Variants in RALGAPA2 observed in about 807,000 individuals in gnomAD.
The protein encoded by RALGAPA2 is Ral GTPase activating protein catalytic subunit alpha 2.
In RALGAPA2, 139 loss-of-function variants were observed where a neutral mutation model predicts 230.4. The observed-to-expected ratio is 0.60, with a 90% CI of 0.53 to 0.69. RALGAPA2 has a LOEUF of 0.69. Ranked by LOEUF, RALGAPA2 falls within the 30% of genes least tolerant of loss-of-function variation. The probability of loss-of-function intolerance (pLI) is 0.00; values close to 1 mark genes in which losing one functional copy is unlikely to be tolerated. For missense variants in RALGAPA2, 2,163 were observed against 2,276.0 expected, an observed-to-expected ratio of 0.95 and a Z score of 1.01; for synonymous variants, 847 against 837.8, an observed-to-expected ratio of 1.01 and a Z score of -0.19.
chr20:20,543,595 C>G (rs955956559), intron 24 of RALGAPA2, among the ~76,000 whole-genome samples: 1 of 152,106 alleles, frequency 6.6e-6, no homozygotes, highest in Non-Finnish European at 1.5e-5. Flanking sequence ...ATGGATGAAG[C>G]TGGAAACCAT....
At chr20:20,497,196 T>C (rs2062234666) in intron 35 of RALGAPA2, among the ~76,000 whole-genome samples, 1 of 152,262 alleles carries the variant, frequency 6.6e-6, no homozygotes, top group Non-Finnish European at 1.5e-5. Flanking sequence ...TCCATTCCTA[T>C]ATTTGCTACA....
intron 4 of RALGAPA2, among the ~76,000 whole-genome samples, chr20:20,651,894 T>C (rs2067410801): frequency 6.6e-6 from 1 of 152,220 alleles, no homozygotes; most frequent in South Asian, 2.1e-4. Flanking sequence ...GCACCACAAA[T>C]CCCCATGATG....
At chr20:20,683,958 T>C (rs528406040) in intron 1 of RALGAPA2, among the ~76,000 whole-genome samples, 1 of 152,332 alleles carries the variant, frequency 6.6e-6, no homozygotes, top group African/African-American at 2.4e-5. Context: ...CTGAGCACAC[T>C]TAATGTAACT....
intron 13 of RALGAPA2, among the ~76,000 whole-genome samples, chr20:20,612,384 C>T (rs1431282940): frequency 6.6e-6 from 1 of 152,198 alleles, no homozygotes; most frequent in African/African-American, 2.4e-5. Flanking sequence ...CTTTACTGCT[C>T]TTTAGTAATA....
At chr20:20,452,922 G>A (rs552546566) in intron 37 of RALGAPA2, among the ~76,000 whole-genome samples, 2 of 152,164 alleles carry the variant, frequency 1.3e-5, no homozygotes, top group African/African-American at 2.4e-5. Flanking sequence ...GTGGGGAGCC[G>A]TGAGTTGATG....
rs1294678998 is a variant in RALGAPA2 at position 20,412,096 on chromosome 20, C to T, written c.5548G>A (p.Val1850Ile). The part of the protein sequence containing the change: ...LEAIIQNHRE[V>I]MTFEDFAAQV... Reference sequence around the variant, plus strand: ...GCTGCGAAATCCTCGAATGTCATTACTTCGCGGTGGTTCTGAATTATTGCT... The same window carrying T: ...GCTGCGAAATCCTCGAATGTCATTATTTCGCGGTGGTTCTGAATTATTGCT... The change falls in exon 38 of 40, where the codon GTA becomes ATA. Residue 1850 changes from valine to isoleucine, a missense_variant. Val to Ile is a conservative substitution (Grantham distance 29). Coordinates refer to ENST00000202677, the MANE Select transcript of RALGAPA2 (RefSeq NM_020343.4). 1.2e-6 allele frequency: 2 copies of T among 1,613,952 alleles called. No homozygotes were observed. Among genetic ancestry groups the T allele is most frequent in the Non-Finnish European group, 1.7e-6 (2 of 1,179,856 alleles).
intron 23 of RALGAPA2, among the ~76,000 whole-genome samples, chr20:20,554,258 G>A (rs2064014999): frequency 6.6e-6 from 1 of 152,088 alleles, no homozygotes; most frequent in Non-Finnish European, 1.5e-5. Flanking sequence ...CTATATATAT[G>A]GCATTTTGTG....
chr20:20,644,665 C>T (rs368666468), intron 4 of RALGAPA2, among the ~76,000 whole-genome samples: 3 of 152,252 alleles, frequency 2.0e-5, no homozygotes, highest in South Asian at 4.1e-4. Flanking sequence ...GTGAATGAAG[C>T]GAAAGTGTCT....
chr20:20,478,639 A>G (rs893483916), intron 36 of RALGAPA2, among the ~76,000 whole-genome samples: 3 of 152,056 alleles, frequency 2.0e-5, no homozygotes, highest in Non-Finnish European at 4.4e-5. Flanking sequence ...GTACTCATGG[A>G]CATAAAGATA....
intron 15 of RALGAPA2, 42 bp downstream of exon 15, chr20:20,605,133 C>A: frequency 6.6e-7 from 1 of 1,505,366 alleles, no homozygotes; most frequent in East Asian, 2.3e-5. Flanking sequence ...CACTCGTCCC[C>A]AGTCCTAGAC....
chr20:20,616,419 G>A (rs375367655), intron 12 of RALGAPA2, among the ~76,000 whole-genome samples: 1 of 151,534 alleles, frequency 6.6e-6, no homozygotes, highest in African/African-American at 2.4e-5. Context: ...TTTCCCTAGG[G>A]GAAAAGAAAA....
chr20:20,400,528 C>T (rs975364647), intron 38 of RALGAPA2, among the ~76,000 whole-genome samples: 1 of 152,142 alleles, frequency 6.6e-6, no homozygotes, highest in African/African-American at 2.4e-5. Context: ...TTGTGTGTGG[C>T]TCTATGACTA....
At chr20:20,427,869 G>A (rs557221140) in intron 37 of RALGAPA2, among the ~76,000 whole-genome samples, 1 of 151,470 alleles carries the variant, frequency 6.6e-6, no homozygotes, top group East Asian at 1.9e-4. Context: ...GGTCCTTCCT[G>A]AATCTGACAT....
chr20:20,592,133 A>C (rs1257772716), intron 16 of RALGAPA2, among the ~76,000 whole-genome samples: 1 of 152,140 alleles, frequency 6.6e-6, no homozygotes, highest in Non-Finnish European at 1.5e-5. Context: ...ATAGCCTGCA[A>C]ACTAATCACT....
chr20:20,450,822 C>G (rs1283801361), intron 37 of RALGAPA2, among the ~76,000 whole-genome samples: 1 of 152,244 alleles, frequency 6.6e-6, no homozygotes. Flanking sequence ...GGTCCATTGG[C>G]TGATGAGAAA....
chr20:20,403,386 T>G (rs1056739426), intron 38 of RALGAPA2, among the ~76,000 whole-genome samples: 1 of 152,166 alleles, frequency 6.6e-6, no homozygotes, highest in African/African-American at 2.4e-5. Context: ...GTAGCAAAGG[T>G]GCATCCCTCT....
At chr20:20,711,573 G>A (rs1406287140) in intron 1 of RALGAPA2, among the ~76,000 whole-genome samples, 2 of 152,096 alleles carry the variant, frequency 1.3e-5, no homozygotes, top group African/African-American at 2.4e-5. Context: ...CACCCACAGG[G>A]GCGAGCTTCA....
At chr20:20,685,237 G>C (rs2068658321) in intron 1 of RALGAPA2, among the ~76,000 whole-genome samples, 1 of 152,088 alleles carries the variant, frequency 6.6e-6, no homozygotes, top group Non-Finnish European at 1.5e-5. Flanking sequence ...GCGGTGCTAA[G>C]CTTTAAAAAA....
intron 38 of RALGAPA2, among the ~76,000 whole-genome samples, chr20:20,407,321 G>A (rs538812467): frequency 1.7e-4 from 26 of 152,320 alleles, no homozygotes; most frequent in African/African-American, 6.3e-4. Context: ...AATGTGATGA[G>A]TCTGTCACAT....
Sources: allele counts gnomAD v4.1 joint callset (sites outside exome capture counted in the v4.1 genomes callset), GRCh38; gene constraint gnomAD v4.1.1; transcripts MANE v1.5; gene names NCBI Gene and HGNC (gene_info 2026-07-23, HGNC 2026-07-21).